The following ZBTB8B variants were observed in gnomAD, a reference collection of about 807,000 sequenced individuals.
The protein encoded by ZBTB8B is zinc finger and BTB domain-containing protein 8B.
ZBTB8B carries 17 observed loss-of-function variants against 30.3 expected under a neutral mutation model. That is an observed-to-expected ratio of 0.56 (90% CI 0.38 to 0.84). The LOEUF (loss-of-function observed/expected upper bound fraction) is 0.84, where lower values mean the gene tolerates loss of function less well. Ranked by LOEUF, ZBTB8B falls within the 40% of genes least tolerant of loss-of-function variation. The probability of loss-of-function intolerance (pLI) is 0.00; values close to 1 mark genes in which losing one functional copy is unlikely to be tolerated. For synonymous variants in ZBTB8B, 248 were observed against 255.6 expected, an observed-to-expected ratio of 0.97 and a Z score of 0.28; for missense variants, 515 against 644.9, an observed-to-expected ratio of 0.80 and a Z score of 2.18.
chr1:32,469,030 A>C (rs1421565353), intron 1 of ZBTB8B, among the ~76,000 whole-genome samples: 2 of 151,824 alleles, frequency 1.3e-5, no homozygotes, highest in African/African-American at 4.8e-5. Context: ...ATCTCTACAA[A>C]AAAAAATTTT....
rs1026427215 is a variant in ZBTB8B at position 32,496,638 on chromosome 1, T to G, written c.*11220T>G. On this transcript the variant is annotated 3_prime_UTR_variant, in exon 4 of 4. Coordinates refer to ENST00000609129, the MANE Select transcript of ZBTB8B (RefSeq NM_001145720.2). The stretch of plus-strand genomic sequence containing the variant: ...GTTTTGCTGTTTTTACTTTTTTATA[T>G]ATAAAGAACTAAAATTACGAGAGAA... The G allele has an allele frequency of 1.3e-5, 2 of 152,208 alleles. No homozygotes were observed. Among genetic ancestry groups the G allele is most frequent in the African/African-American group, 4.8e-5 (2 of 41,458 alleles). The allele number at this position is 152,208 out of a possible 1,614,324, so 9.4% of individuals were successfully genotyped here.
intron 1 of ZBTB8B, among the ~76,000 whole-genome samples, chr1:32,467,151 G>A (rs941973828): frequency 5.9e-5 from 9 of 151,766 alleles, no homozygotes; most frequent in African/African-American, 2.2e-4. Flanking sequence ...GTAAGACCCC[G>A]TCTCAAAAGA....
chr1:32,467,839 G>A (rs1643583436), intron 1 of ZBTB8B, among the ~76,000 whole-genome samples: 1 of 151,818 alleles, frequency 6.6e-6, no homozygotes, highest in Non-Finnish European at 1.5e-5. Context: ...GAGGCCAGGT[G>A]TGGTGTCTCA....
In ZBTB8B at chr1:32,495,806, C is replaced by T. The variant is rs1226060927; in HGVS notation, c.*10388C>T. On this transcript the variant is annotated 3_prime_UTR_variant, in exon 4 of 4. Transcript: ENST00000609129. ...CTGAGGCAGGAGGATTGCTTGAGCCCAGAAGTTCAAAGCTGCAGTGAACTA... is the reference window on the plus strand; with the variant it reads ...CTGAGGCAGGAGGATTGCTTGAGCCTAGAAGTTCAAAGCTGCAGTGAACTA... 2.0e-5 allele frequency: 3 copies of T among 152,034 alleles called. No homozygotes were observed. Among genetic ancestry groups the T allele is most frequent in the African/African-American group, 7.3e-5 (3 of 41,370 alleles). 9.4% of individuals were successfully genotyped at this position (152,034 alleles called of 1,614,324 possible).
intron 2 of ZBTB8B, among the ~76,000 whole-genome samples, chr1:32,478,368 C>T (rs1011466961): frequency 1.3e-5 from 2 of 151,894 alleles, no homozygotes; most frequent in Non-Finnish European, 2.9e-5. Context: ...AAAAATTAGC[C>T]AGGCATGGTG....
At chr1:32,480,427 C>T (rs1643695814) in intron 2 of ZBTB8B, among the ~76,000 whole-genome samples, 1 of 152,160 alleles carries the variant, frequency 6.6e-6, no homozygotes, top group South Asian at 2.1e-4. Context: ...TTCTTAAGGG[C>T]TTTATCTCCA....
At position 32,470,901 on chromosome 1, in the gene ZBTB8B, G is replaced by A; in HGVS notation, c.277G>A (p.Glu93Lys). ...TTCTGGGAAGTTGGATTTGTGTGGGGAGAATGTGATTGAAGTGATGTCGGC... is the reference window on the plus strand; with the variant it reads ...TTCTGGGAAGTTGGATTTGTGTGGGAAGAATGTGATTGAAGTGATGTCGGC... The part of the protein sequence containing the change: ...LYSGKLDLCG[E>K]NVIEVMSAAS... Residue 93 changes from glutamate to lysine, a missense_variant, in exon 2 of 4, where the codon GAG (glutamate) becomes AAG (lysine). Physicochemically the swap from Glu to Lys is moderately conservative, Grantham distance 56 (BLOSUM62 1). Transcript: ENST00000609129. 1 of 1,552,098 alleles carries A rather than the reference G, an allele frequency of 6.4e-7. No homozygotes were observed.
At chr1:32,474,480 C>T (rs557056895) in intron 2 of ZBTB8B, among the ~76,000 whole-genome samples, 20 of 147,384 alleles carry the variant, frequency 1.4e-4, no homozygotes, top group African/African-American at 2.8e-4. Context: ...GTCGAGGCTG[C>T]GGTGAGCTGT....
chr1:32,483,556 GAT>G (rs1455026710), intron 3 of ZBTB8B, among the ~76,000 whole-genome samples: 1 of 152,142 alleles, frequency 6.6e-6, no homozygotes, highest in Non-Finnish European at 1.5e-5. Flanking sequence ...GAGGTGGGGG[GAT>G]GGGGGAAGGA....
intron 2 of ZBTB8B, among the ~76,000 whole-genome samples, chr1:32,473,735 G>A (rs1472333252): frequency 2.0e-5 from 3 of 151,930 alleles, no homozygotes; most frequent in African/African-American, 4.8e-5. Context: ...TGCTCAGTTT[G>A]GTCTCAAACT....
rs970974061 is a variant in ZBTB8B at position 32,477,514 on chromosome 1, G to A, written c.992-3377G>A. Among the ~76,000 whole-genome samples, 4 of 152,274 alleles carry A rather than the reference G, an allele frequency of 2.6e-5. No individual in the cohort carries two copies. The South Asian group carries it at 6.2e-4, about 24-fold the overall frequency. ...GAAGAAGTGTGTGGTACAAAGCTAA[G>A]GTGATGGAGATAAATAACAAGGAAG... On this transcript the variant is annotated intron_variant, in intron 2 of 3. Coordinates refer to ENST00000609129, the MANE Select transcript of ZBTB8B (RefSeq NM_001145720.2).
intron 2 of ZBTB8B, among the ~76,000 whole-genome samples, chr1:32,479,943 T>A (rs1643692265): frequency 6.6e-6 from 1 of 152,212 alleles, no homozygotes; most frequent in Non-Finnish European, 1.5e-5. Context: ...ATTTAGGGTC[T>A]TCATCAAAGC....
intron 2 of ZBTB8B, among the ~76,000 whole-genome samples, chr1:32,475,358 GA>G (rs1318472858): frequency 6.6e-6 from 1 of 152,146 alleles, no homozygotes; most frequent in African/African-American, 2.4e-5. Flanking sequence ...GAGGCAGGTG[GA>G]TCACTTGAGG....
At chr1:32,472,000 GTACCATCATCATCAC>G (rs1483596311) in intron 2 of ZBTB8B, among the ~76,000 whole-genome samples, 3 of 129,232 alleles carry the variant, frequency 2.3e-5, no homozygotes, top group Non-Finnish European at 5.0e-5. Context: ...ATCATCATCA[GTACCATCATCATCAC>G]TACCATCATC....
intron 3 of ZBTB8B, among the ~76,000 whole-genome samples, chr1:32,482,487 A>C (rs1034055562): frequency 4.6e-5 from 7 of 151,816 alleles, no homozygotes; most frequent in Non-Finnish European, 1.0e-4. Context: ...CCTGGCCAAC[A>C]TGGTGAAACC....
rs1040238598 is a variant in ZBTB8B at position 32,491,886 on chromosome 1, G to C, written c.*6468G>C. 7 of 152,208 alleles carry C rather than the reference G, an allele frequency of 4.6e-5. No individual in the cohort carries two copies. Among genetic ancestry groups the C allele is most frequent in the African/African-American group, 1.7e-4 (7 of 41,454 alleles). The allele number at this position is 152,208 out of a possible 1,614,324, so 9.4% of individuals were successfully genotyped here. ...TTAACAAAGGTAAAATTCTCATGCA[G>C]AAGGGAAAGAGGCTTTGTTAATACT... On this transcript the variant is annotated 3_prime_UTR_variant, in exon 4 of 4. Coordinates refer to ENST00000609129, the MANE Select transcript of ZBTB8B (RefSeq NM_001145720.2).
rs541021646 is a variant in ZBTB8B, at chr1:32,469,307, G to A, written c.-41-1277G>A. ...GTCGCCCAGGCTGGAGTGTAGTGGC[G>A]CAGTCTCAGCTCACTGCAACCTCCG... On this transcript the variant is annotated intron_variant, in intron 1 of 3. Transcript: ENST00000609129. 1.5e-4 allele frequency among the ~76,000 whole-genome samples: 21 copies of A among 138,154 alleles called. No individual in the cohort carries two copies. The East Asian group carries it at 2.4e-3, about 16-fold the overall frequency. 90.6% of individuals were successfully genotyped at this position (138,154 alleles called of 152,430 possible). A position where few individuals can be genotyped will look rare whatever the true frequency, so the allele number is the denominator to read the frequency against.
At chr1:32,477,973 C>A (rs1453101427) in intron 2 of ZBTB8B, among the ~76,000 whole-genome samples, 2 of 151,676 alleles carry the variant, frequency 1.3e-5, no homozygotes, top group Middle Eastern at 3.5e-3. Flanking sequence ...AGGAGATTCA[C>A]TTGAACCTGG....
At chr1:32,470,342 T>C (rs949583055) in intron 1 of ZBTB8B, among the ~76,000 whole-genome samples, 7 of 149,810 alleles carry the variant, frequency 4.7e-5, no homozygotes, top group Admixed American at 1.3e-4. Flanking sequence ...CTACTAAATA[T>C]ACAAAAAATT....
Sources: allele counts gnomAD v4.1 joint callset (sites outside exome capture counted in the v4.1 genomes callset), GRCh38; gene constraint gnomAD v4.1.1; transcripts MANE v1.5; gene names NCBI Gene and HGNC (gene_info 2026-07-23, HGNC 2026-07-21).